The following IRX1 variants were observed in gnomAD, a reference collection of about 807,000 sequenced individuals.
IRX1 encodes iroquois homeobox 1.
IRX1 carries 22 observed loss-of-function variants against 34.1 expected under a neutral mutation model. That is an observed-to-expected ratio of 0.64 (90% CI 0.46 to 0.92). The LOEUF is 0.92. IRX1 is among the 40% of genes least tolerant of loss of function. IRX1 has a pLI of 0.00. For synonymous variants in IRX1, 363 were observed against 319.0 expected, an observed-to-expected ratio of 1.14 and a Z score of -1.47; for missense variants, 758 against 680.0, an observed-to-expected ratio of 1.11 and a Z score of -1.28.
chr5:3,600,310 C>G (rs1733930050), intron 2 of IRX1, 50 bp downstream of exon 2: 1 of 1,476,732 alleles, frequency 6.8e-7, no homozygotes, highest in Non-Finnish European at 9.0e-7. Context: ...AATGCAGAGG[C>G]CTGGCTAGGT....
chr5:3,596,571 G>C (rs1055298180), intron 1 of IRX1, among the ~76,000 whole-genome samples, 190 bp downstream of exon 1: 1 of 152,292 alleles, frequency 6.6e-6, no homozygotes, highest in East Asian at 1.9e-4. Context: ...AGGCCGGGCG[G>C]GTGACGGCTG....
Position 3,599,640 on chromosome 5 carries a change from A to G in IRX1, c.692A>G (p.Asp231Gly). 1 of 1,613,872 alleles carries G rather than the reference A, an allele frequency of 6.2e-7. No individual in the cohort carries two copies. The highest frequency in any genetic ancestry group is 8.5e-7 in the Non-Finnish European group (1 of 1,180,002). ...ATCGACCTGGAAAGCATCGACATTG[A>G]CAAGATCGACGAGCACGATGGCGAC... ...EEIDLESIDI[D>G]KIDEHDGDQS... The change falls in exon 2 of 4, where the codon GAC becomes GGC. Residue 231 changes from aspartate to glycine, a missense_variant. Physicochemically the swap from Asp to Gly is moderately conservative, Grantham distance 94. This residue lies in a region of IRX1 where 529 missense variants were observed against 418.8 expected (regional missense o/e 1.26). Transcript: ENST00000302006. The surrounding 1 kb of genome is among the most constrained non-coding windows in gnomAD (Gnocchi z 6.6).
At position 3,599,814 on chromosome 5, in the gene IRX1, C is replaced by A. The variant is rs1432242039; in HGVS notation, c.866C>A (p.Pro289Gln). The change falls in exon 2 of 4, where the codon CCA becomes CAA. Residue 289 changes from proline to glutamine, a missense_variant. By Grantham distance (76) the Pro-to-Gln change is moderately conservative. This residue lies in a region of IRX1 where 529 missense variants were observed against 418.8 expected (regional missense o/e 1.26). Transcript: ENST00000302006. This position sits in a 1 kb window ranked among gnomAD's most constrained non-coding sequence, Gnocchi z 6.6. ...DSPLGLAKEA[P>Q]EPGSTRLLSP... ...CCCTTGGGCCTGGCAAAGGAGGCCCCAGAGCCGGGCAGCACGCGCCTGCTG... is the reference window on the plus strand; with the variant it reads ...CCCTTGGGCCTGGCAAAGGAGGCCCAAGAGCCGGGCAGCACGCGCCTGCTG... The A allele has an allele frequency of 4.3e-5, 68 of 1,578,262 alleles. No homozygotes were observed. Among genetic ancestry groups the A allele is most frequent in the Non-Finnish European group, 5.8e-5 (68 of 1,163,504 alleles).
At chr5:3,600,828 G>T in intron 3 of IRX1, 147 bp downstream of exon 3, 1 of 1,140,878 alleles carries the variant, frequency 8.8e-7, no homozygotes, top group South Asian at 1.3e-5. Context: ...TGGGCGCCGG[G>T]CGAGCCGAGG....
Position 3,599,143 on chromosome 5 carries a change from G to A in IRX1, c.277-82G>A. 4 of 1,393,724 alleles carry A rather than the reference G, an allele frequency of 2.9e-6. No homozygotes were observed. The highest frequency in any genetic ancestry group is 1.4e-5 in the African/African-American group (1 of 69,908). 86.3% of individuals were successfully genotyped at this position (1,393,724 alleles called of 1,614,324 possible). The stretch of plus-strand genomic sequence containing the variant: ...CTGCTTCCCACTCTCCCGTCTTGGG[G>A]ACTCATGTCTCTCTCTCTCTCTCCC... On this transcript the variant is annotated intron_variant, in intron 1 of 3. Coordinates refer to ENST00000302006, the MANE Select transcript of IRX1 (RefSeq NM_024337.4). The surrounding 1 kb of genome is among the most constrained non-coding windows in gnomAD (Gnocchi z 6.6).
intron 1 of IRX1, among the ~76,000 whole-genome samples, chr5:3,598,205 C>T (rs1053461410): frequency 9.2e-5 from 14 of 152,050 alleles, no homozygotes; most frequent in South Asian, 2.1e-4. Flanking sequence ...TGTCTGTCTG[C>T]GCAATTTATG....
chr5:3,596,701 T>G (rs1743705962), intron 1 of IRX1, among the ~76,000 whole-genome samples: 1 of 151,984 alleles, frequency 6.6e-6, no homozygotes, highest in Non-Finnish European at 1.5e-5. Context: ...GGGGGCAAAC[T>G]CGCCTGGCTC....
intron 2 of IRX1, 123 bp downstream of exon 2, chr5:3,600,383 G>A (rs1455726746): frequency 9.5e-7 from 1 of 1,049,944 alleles, no homozygotes; most frequent in African/African-American, 1.6e-5. Context: ...GAGCCCTGGG[G>A]CTGCGCTTAA....
chr5:3,600,313 G>A, intron 2 of IRX1, 53 bp downstream of exon 2: 5 of 1,459,044 alleles, frequency 3.4e-6, no homozygotes, highest in Non-Finnish European at 4.6e-6. Context: ...GCAGAGGCCT[G>A]GCTAGGTGTG....
chr5:3,596,312 G>C lies in IRX1; in HGVS notation c.207G>C (p.Pro69=). Residue 69 remains proline, a synonymous_variant, in exon 1 of 4, where the codon CCG becomes CCC. Coordinates refer to ENST00000302006, the MANE Select transcript of IRX1 (RefSeq NM_024337.4). ...SVLGMYAAAG[P]YAGAPNYSAF... Reference sequence around the variant, plus strand: ...TGGGCATGTACGCGGCGGCGGGGCCGTACGCGGGCGCGCCCAACTACAGCG... The same window carrying C: ...TGGGCATGTACGCGGCGGCGGGGCCCTACGCGGGCGCGCCCAACTACAGCG... 1 of 1,484,956 alleles carries C rather than the reference G, an allele frequency of 6.7e-7. No individual in the cohort carries two copies. The highest frequency in any genetic ancestry group is 8.9e-7 in the Non-Finnish European group (1 of 1,120,642). The allele number at this position is 1,484,956 out of a possible 1,614,324, so 92.0% of individuals were successfully genotyped here.
At chr5:3,597,448 A>G (rs1158662160) in intron 1 of IRX1, among the ~76,000 whole-genome samples, 1 of 152,158 alleles carries the variant, frequency 6.6e-6, no homozygotes, top group Non-Finnish European at 1.5e-5. Context: ...CGGGGAGTAA[A>G]CGCCCCTCAA....
In IRX1 at chr5:3,599,194, TCTC is replaced by T. The variant is rs779583071; in HGVS notation, c.277-27_277-25del. The T allele has an allele frequency of 1.3e-6, 2 of 1,587,880 alleles. No homozygotes were observed. Among genetic ancestry groups the T allele is most frequent in the Non-Finnish European group, 1.7e-6 (2 of 1,162,518 alleles). The stretch of plus-strand genomic sequence containing the variant: ...TTTCTCTCTCCACTTCCCTCCTCTC[TCTC>T]CTCGATGGATCTGCCCTGTGGCTTC... On this transcript the variant is annotated intron_variant, in intron 1 of 3. Transcript: ENST00000302006. This position sits in a 1 kb window ranked among gnomAD's most constrained non-coding sequence, Gnocchi z 6.6.
rs371034784 is a variant in IRX1, at chr5:3,596,423, C to T, written c.276+42C>T. The T allele has an allele frequency of 2.8e-5, 40 of 1,428,212 alleles. No individual in the cohort carries two copies. The South Asian group carries it at 2.9e-4, about 11-fold the overall frequency. The allele number at this position is 1,428,212 out of a possible 1,614,324, so 88.5% of individuals were successfully genotyped here. A position where few individuals can be genotyped will look rare whatever the true frequency, so the allele number is the denominator to read the frequency against. On this transcript the variant is annotated intron_variant, in intron 1 of 3. Transcript: ENST00000302006. Reference sequence around the variant, plus strand: ...TCCCCCGCTTCTCCTCTGTCTCACCCGCGCCAGGGCAAGGGTGGCGGGTCG... The same window carrying T: ...TCCCCCGCTTCTCCTCTGTCTCACCTGCGCCAGGGCAAGGGTGGCGGGTCG...
intron 1 of IRX1, among the ~76,000 whole-genome samples, chr5:3,598,745 C>T (rs1468093020): frequency 1.3e-5 from 2 of 152,194 alleles, no homozygotes; most frequent in Non-Finnish European, 2.9e-5. Context: ...AGAGAGGAGG[C>T]TTGGGCTCTG....
chr5:3,596,145 G>T lies in IRX1; in HGVS notation c.40G>T (p.Ala14Ser). 9.6e-7 allele frequency: 1 copy of T among 1,040,622 alleles called. No individual in the cohort carries two copies. The highest frequency in any genetic ancestry group is 1.2e-6 in the Non-Finnish European group (1 of 867,376). 64.5% of individuals were successfully genotyped at this position (1,040,622 alleles called of 1,614,324 possible). A position where few individuals can be genotyped will look rare whatever the true frequency, so the allele number is the denominator to read the frequency against. Residue 14 changes from alanine (A) to serine (S), a missense_variant, in exon 1 of 4, where the codon GCC becomes TCC. This residue lies in a region of IRX1 where 195 missense variants were observed against 195.0 expected (regional missense o/e 1.00). Coordinates refer to ENST00000302006, the MANE Select transcript of IRX1 (RefSeq NM_024337.4). ...GCTGGGCTACCCGCAGTACCTGAGC[G>T]CCGCGGGGCCGGGCGCCTACGGCGG... ...PQLGYPQYLS[A>S]AGPGAYGGER...
chr5:3,596,521 T>G, intron 1 of IRX1, 140 bp downstream of exon 1: 2 of 855,358 alleles, frequency 2.3e-6, no homozygotes, highest in Non-Finnish European at 3.1e-6. Context: ...AGGTTCCCGG[T>G]GGCCGAGGCC....
chr5:3,599,088 C>T lies in IRX1; in HGVS notation c.277-137C>T. ...CAGCACAGGAGAGCCCCGCAAAGCG[C>T]CTGGGAGGCCCTCGAGTCCATTGAA... On this transcript the variant is annotated intron_variant, in intron 1 of 3. Transcript: ENST00000302006. The surrounding 1 kb of genome is among the most constrained non-coding windows in gnomAD (Gnocchi z 6.6). 4 of 870,874 alleles carry T rather than the reference C, an allele frequency of 4.6e-6. No homozygotes were observed. In the South Asian group the frequency reaches 7.1e-5, roughly 15 times the overall value. 53.9% of individuals were successfully genotyped at this position (870,874 alleles called of 1,614,324 possible).
In IRX1 at chr5:3,599,206, A is replaced by T. The variant is rs861185; in HGVS notation, c.277-19A>T. 2 of 1,604,028 alleles carry T rather than the reference A, an allele frequency of 1.2e-6. No individual in the cohort carries two copies. Among genetic ancestry groups the T allele is most frequent in the Non-Finnish European group, 1.7e-6 (2 of 1,173,610 alleles). On this transcript the variant is annotated intron_variant, in intron 1 of 3. Transcript: ENST00000302006. This position sits in a 1 kb window ranked among gnomAD's most constrained non-coding sequence, Gnocchi z 6.6. ...CTTCCCTCCTCTCTCTCCTCGATGG[A>T]TCTGCCCTGTGGCTTCAGGGCTCGC...
chr5:3,601,071 G>GT lies in IRX1; in HGVS notation c.*31_*32insT. On this transcript the variant is annotated 3_prime_UTR_variant, in exon 4 of 4. Transcript: ENST00000302006. ...GGTCTTCTTTTACTTTTGCGGGGGG[G>GT]AGGGGGGAGGAGTTGGGGAGGGAGG... is the stretch of plus-strand genomic sequence containing the variant. The GT allele has an allele frequency of 6.5e-7, 1 of 1,534,924 alleles. No individual in the cohort carries two copies. Among genetic ancestry groups the GT allele is most frequent in the Non-Finnish European group, 9.0e-7 (1 of 1,111,054 alleles).
Sources: gnomAD v4.1 joint callset for allele counts (sites outside exome capture counted in the v4.1 genomes callset) on GRCh38, gnomAD v4.1.1 for gene constraint, gnomAD v4.1.1 regional missense constraint, Gnocchi (gnomAD v3.1) non-coding constraint, MANE v1.5 for transcripts, NCBI Gene and HGNC (gene_info 2026-07-23, HGNC 2026-07-21) for gene names.